The following ARID1B variants were observed in gnomAD, a reference collection of about 807,000 sequenced individuals.
The protein encoded by ARID1B is AT-rich interactive domain-containing protein 1B.
Under a neutral mutation model 212.3 loss-of-function variants are expected in ARID1B, and 30 were observed. That is an observed-to-expected ratio of 0.14 (90% confidence interval 0.11 to 0.19). ARID1B has a LOEUF of 0.19. Ranked by LOEUF, ARID1B falls within the 10% of genes least tolerant of loss-of-function variation. The pLI is 1.00. For synonymous variants in ARID1B, 1,402 were observed against 1,301.7 expected (o/e 1.08, Z -1.66); for missense variants, 2,891 against 3,204.0 (o/e 0.90, Z 2.36).
intron 5 of ARID1B, among the ~76,000 whole-genome samples, chr6:157,086,619 C>A (rs537416609): frequency 6.6e-6 from 1 of 152,330 alleles, no homozygotes; most frequent in African/African-American, 2.4e-5. Flanking sequence ...AGTTAACCAT[C>A]TGAAGACTTT....
intron 9 of ARID1B, chr6:157,173,446 A>G (rs934755844): frequency 6.6e-6 from 1 of 152,250 alleles, no homozygotes; most frequent in African/African-American, 2.4e-5. Context: ...TCCAAAATTT[A>G]TTTTTAATTA....
chr6:156,848,462 G>T (rs1370544419), intron 2 of ARID1B, among the ~76,000 whole-genome samples: 2 of 152,154 alleles, frequency 1.3e-5, no homozygotes, highest in Non-Finnish European at 2.9e-5. Context: ...CAAAGTGATC[G>T]TGCACTTCCA....
intron 7 of ARID1B, among the ~76,000 whole-genome samples, chr6:157,140,259 T>C (rs987874605): frequency 6.6e-5 from 10 of 151,926 alleles, no homozygotes; most frequent in Non-Finnish European, 1.5e-4. Context: ...TGCTTAAGTC[T>C]AGGAGTTTGA....
In ARID1B at chr6:157,206,143, T is replaced by G. The variant is rs768187577; in HGVS notation, c.5395-24T>G. On this transcript the variant is annotated intron_variant, in intron 19 of 19. Coordinates refer to ENST00000636930, the MANE Select transcript of ARID1B (RefSeq NM_001374828.1). The surrounding 1 kb of genome is among the most constrained non-coding windows in gnomAD (Gnocchi z 6.8). Reference sequence around the variant, plus strand: ...CATGACATTGTACCTGTTCTTTCTTTCTTCTCCTCCTCCTCCTCTCCAGTT... The same window carrying G: ...CATGACATTGTACCTGTTCTTTCTTGCTTCTCCTCCTCCTCCTCTCCAGTT... The G allele has an allele frequency of 3.1e-6, 5 of 1,610,040 alleles. 1 individual carries two copies. The South Asian group carries it at 5.5e-5, about 18-fold the overall frequency.
chr6:157,145,346 GGGGCTACAGTGGCAGGATTGA>G (rs1789648867), intron 7 of ARID1B, among the ~76,000 whole-genome samples: 1 of 152,106 alleles, frequency 6.6e-6, no homozygotes, highest in African/African-American at 2.4e-5. Context: ...GGCTGCTTTG[GGGGCTACAGTGGCAGGATTGA>G]GCAATCGTGA....
intron 4 of ARID1B, among the ~76,000 whole-genome samples, chr6:157,060,502 T>C (rs1045777404): frequency 5.3e-5 from 8 of 152,296 alleles, no homozygotes; most frequent in Admixed American, 5.2e-4. Flanking sequence ...GTTTCACTAG[T>C]AGTTTTTCTT....
intron 4 of ARID1B, among the ~76,000 whole-genome samples, chr6:157,062,025 C>CT (rs1463392583): frequency 6.6e-6 from 1 of 152,160 alleles, no homozygotes; most frequent in Non-Finnish European, 1.5e-5. Flanking sequence ...ATGAAAGGAG[C>CT]TAAAGACAGC....
intron 4 of ARID1B, among the ~76,000 whole-genome samples, chr6:157,055,231 A>G (rs1376147114): frequency 6.6e-6 from 1 of 152,230 alleles, no homozygotes; most frequent in African/African-American, 2.4e-5. Flanking sequence ...CTCCAATAAT[A>G]TGCTGCTATA....
chr6:156,888,599 A>G (rs1395634370), intron 2 of ARID1B, among the ~76,000 whole-genome samples: 2 of 152,222 alleles, frequency 1.3e-5, no homozygotes, highest in Admixed American at 1.3e-4. Flanking sequence ...ATTGCTTTGT[A>G]GTGAGATGTA....
Position 156,778,268 on chromosome 6 carries a change from C to CCAGCAG in ARID1B, c.606_611dup (p.Gln213_Gln214dup), listed in dbSNP as rs587779743. On this transcript the variant is annotated inframe_insertion, in exon 1 of 20. Coordinates refer to ENST00000636930, the MANE Select transcript of ARID1B (RefSeq NM_001374828.1). Reference sequence around the variant, plus strand: ...CACTACAGCAGCAGCTAAACCAGTTCCAGCAGCAGCAGCAGCAGCAGCAAC... The same window carrying CCAGCAG: ...CACTACAGCAGCAGCTAAACCAGTTCCAGCAGCAGCAGCAGCAGCAGCAGCAGCAAC... 3.5e-3 allele frequency: 5,377 copies of CCAGCAG among 1,536,714 alleles called. 93 individuals are homozygous for CCAGCAG. The African/African-American group carries it at 0.055, about 16-fold the overall frequency.
intron 2 of ARID1B, among the ~76,000 whole-genome samples, chr6:156,845,600 G>A (rs1284701831): frequency 6.6e-6 from 1 of 151,968 alleles, no homozygotes; most frequent in African/African-American, 2.4e-5. Context: ...AGAAGTCCAG[G>A]GCCCCTTCTT....
intron 2 of ARID1B, among the ~76,000 whole-genome samples, chr6:156,835,550 A>G (rs1191390455): frequency 6.6e-6 from 1 of 152,116 alleles, no homozygotes; most frequent in Non-Finnish European, 1.5e-5. Flanking sequence ...TTTATTTTTT[A>G]TCTGTACATT....
chr6:157,186,398 A>G (rs1792977812), intron 13 of ARID1B: 1 of 470,426 alleles, frequency 2.1e-6, no homozygotes, highest in Admixed American at 2.4e-5. Context: ...GAGGCAGTGG[A>G]AGGAAAGCCT....
intron 8 of ARID1B, chr6:157,166,321 G>A (rs1475239494): frequency 6.6e-6 from 1 of 152,202 alleles, no homozygotes; most frequent in Non-Finnish European, 1.5e-5. Context: ...AAACTAACAA[G>A]ACTAAGTCAC....
intron 1 of ARID1B, among the ~76,000 whole-genome samples, chr6:156,822,498 T>C (rs1240347459): frequency 6.6e-6 from 1 of 152,236 alleles, no homozygotes; most frequent in African/African-American, 2.4e-5. Context: ...GAGAATCTCT[T>C]TGGCGATTAC....
At chr6:156,931,176 G>A (rs1418468839) in intron 3 of ARID1B, among the ~76,000 whole-genome samples, 2 of 122,226 alleles carry the variant, frequency 1.6e-5, no homozygotes, top group African/African-American at 3.4e-5. Context: ...GGACTACAGA[G>A]CGAGACTCAG....
At chr6:157,088,364 G>A (rs1337301828) in intron 5 of ARID1B, among the ~76,000 whole-genome samples, 1 of 152,164 alleles carries the variant, frequency 6.6e-6, no homozygotes, top group Non-Finnish European at 1.5e-5. Flanking sequence ...TCAAATGTCA[G>A]TTTTTGATAA....
chr6:157,209,481 C>G lies in ARID1B; in HGVS notation c.*1590C>G, dbSNP rs1418784407. ...TAGTCTTTCTTTGAAGCAATTAACT[C>G]TAACGACATTGAGGTATGATCATTT... On this transcript the variant is annotated 3_prime_UTR_variant, in exon 20 of 20. Transcript: ENST00000636930. 4.3e-6 allele frequency: 1 copy of G among 232,786 alleles called. No homozygotes were observed. The highest frequency in any genetic ancestry group is 5.6e-5 in the Admixed American group (1 of 17,774). 14.4% of individuals were successfully genotyped at this position (232,786 alleles called of 1,614,324 possible). A position where few individuals can be genotyped will look rare whatever the true frequency, so the allele number is the denominator to read the frequency against.
chr6:157,117,919 G>A (rs747529652), intron 6 of ARID1B, among the ~76,000 whole-genome samples: 12 of 152,274 alleles, frequency 7.9e-5, no homozygotes, highest in Admixed American at 5.2e-4. Flanking sequence ...TACAGTGGGT[G>A]TCAGTATGAG....
Sources: allele counts gnomAD v4.1 joint callset (sites outside exome capture counted in the v4.1 genomes callset), GRCh38; gene constraint gnomAD v4.1.1; non-coding constraint Gnocchi (gnomAD v3.1); transcripts MANE v1.5; gene names NCBI Gene and HGNC (gene_info 2026-07-23, HGNC 2026-07-21).